KCNMA1: variants seen among roughly 807,000 people sequenced by gnomAD.
KCNMA1 encodes the protein Calcium-activated potassium channel subunit alpha-1.
KCNMA1 carries 29 observed loss-of-function variants against 140.0 expected under a neutral mutation model. That is an observed-to-expected ratio of 0.21 (90% confidence interval 0.15 to 0.28). The LOEUF is 0.28. Among genes scored for constraint, KCNMA1 ranks in the 10% least tolerant of loss-of-function variants. The probability of loss-of-function intolerance (pLI) is 1.00; values close to 1 mark genes in which losing one functional copy is unlikely to be tolerated. For synonymous variants in KCNMA1, 612 were observed against 611.9 expected, an observed-to-expected ratio of 1.00 and a Z score of 0.00; for missense variants, 880 against 1,602.2, an observed-to-expected ratio of 0.55 and a Z score of 7.70.
chr10:77,510,190 G>A (rs921797164), intron 1 of KCNMA1, among the ~76,000 whole-genome samples: 1 of 152,010 alleles, frequency 6.6e-6, no homozygotes, highest in African/African-American at 2.4e-5. Context: ...TCACCTTCCT[G>A]GACCTCAGAT....
rs537057084 is a variant in KCNMA1, at chr10:76,952,391, G to A, written c.2484+1410C>T. ...AAAAAATAACTGGGTATGGTGGCGC[G>A]AACCTATAGTCCCAGCTACTCGGGA... is the stretch of plus-strand genomic sequence containing the variant. On this transcript the variant is annotated intron_variant, in intron 21 of 27. Coordinates refer to ENST00000286628, the MANE Select transcript of KCNMA1 (RefSeq NM_001161352.2). Among the ~76,000 whole-genome samples, 20 of 152,214 alleles carry A rather than the reference G, an allele frequency of 1.3e-4. No individual in the cohort carries two copies. In the East Asian group the frequency reaches 2.9e-3, roughly 22 times the overall value.
intron 2 of KCNMA1, among the ~76,000 whole-genome samples, chr10:77,392,213 GGAAGGAAGGGAGAGAGGGAAA>G (rs1415120755): frequency 8.4e-6 from 1 of 118,828 alleles, no homozygotes; most frequent in Non-Finnish European, 1.8e-5. Context: ...TGGGGAGGAA[GGAAGGAAGGGAGAGAGGGAAA>G]GAAGGAAGGG....
At chr10:77,228,460 G>A (rs1360907962) in intron 3 of KCNMA1, among the ~76,000 whole-genome samples, 1 of 152,100 alleles carries the variant, frequency 6.6e-6, no homozygotes, top group Non-Finnish European at 1.5e-5. Flanking sequence ...CCAGGTGTGA[G>A]GAGGTAAAGC....
intron 5 of KCNMA1, among the ~76,000 whole-genome samples, chr10:77,158,514 G>A (rs1185956436): frequency 6.6e-6 from 1 of 152,038 alleles, no homozygotes; most frequent in Non-Finnish European, 1.5e-5. Context: ...AGTGAGAGTT[G>A]TGTGAATCTG....
chr10:77,079,842 T>C (rs533559026), intron 12 of KCNMA1: 10 of 466,824 alleles, frequency 2.1e-5, no homozygotes, highest in African/African-American at 1.4e-4. Context: ...AACATTACTA[T>C]TACTAGATCA....
intron 13 of KCNMA1, among the ~76,000 whole-genome samples, chr10:77,075,418 T>A (rs1394909664): frequency 6.6e-6 from 1 of 152,178 alleles, no homozygotes; most frequent in Non-Finnish European, 1.5e-5. Flanking sequence ...GCATTGTGTG[T>A]GAAAGGAGAT....
intron 1 of KCNMA1, among the ~76,000 whole-genome samples, chr10:77,404,553 T>A (rs529460640): frequency 6.6e-6 from 1 of 152,146 alleles, no homozygotes; most frequent in East Asian, 1.9e-4. Flanking sequence ...TCTGGTCTCC[T>A]CCCATTTTAA....
At chr10:77,163,970 A>C (rs2154083475) in intron 5 of KCNMA1, among the ~76,000 whole-genome samples, 1 of 152,338 alleles carries the variant, frequency 6.6e-6, no homozygotes, top group Admixed American at 6.5e-5. Flanking sequence ...GAATTAATTC[A>C]TTAGGAGAAG....
At chr10:77,415,266 A>C (rs906092364) in intron 1 of KCNMA1, among the ~76,000 whole-genome samples, 1 of 152,240 alleles carries the variant, frequency 6.6e-6, no homozygotes, top group East Asian at 1.9e-4. Flanking sequence ...TAAAATAACA[A>C]TCTCCTTCTC....
intron 2 of KCNMA1, among the ~76,000 whole-genome samples, chr10:77,379,861 G>T (rs1475522581): frequency 6.6e-6 from 1 of 152,120 alleles, no homozygotes; most frequent in African/African-American, 2.4e-5. Context: ...ACTTGGGTCA[G>T]CACCTCCATC....
chr10:76,950,897 T>A (rs1355983657), intron 21 of KCNMA1, among the ~76,000 whole-genome samples: 1 of 152,130 alleles, frequency 6.6e-6, no homozygotes, highest in African/African-American at 2.4e-5. Flanking sequence ...GAAGACCCAC[T>A]GGGGAGCTCA....
intron 2 of KCNMA1, among the ~76,000 whole-genome samples, chr10:77,296,363 T>C (rs191245599): frequency 6.6e-6 from 1 of 152,210 alleles, no homozygotes; most frequent in South Asian, 2.1e-4. Context: ...CCAGTCCTGC[T>C]GACACTTTGA....
chr10:76,958,915 T>C (rs1165395534), intron 20 of KCNMA1, among the ~76,000 whole-genome samples: 1 of 152,124 alleles, frequency 6.6e-6, no homozygotes, highest in Non-Finnish European at 1.5e-5. Context: ...GCACAATATA[T>C]CAGATATCCC....
chr10:77,163,575 C>T (rs1182357258), intron 5 of KCNMA1, among the ~76,000 whole-genome samples: 2 of 152,184 alleles, frequency 1.3e-5, no homozygotes, highest in African/African-American at 2.4e-5. Context: ...GAGAAAGATC[C>T]CTGCCTTGAT....
intron 1 of KCNMA1, among the ~76,000 whole-genome samples, chr10:77,522,570 C>T (rs2154551032): frequency 6.6e-6 from 1 of 152,320 alleles, no homozygotes; most frequent in African/African-American, 2.4e-5. Context: ...CACCTCACAG[C>T]TGCTGCTGCC....
intron 13 of KCNMA1, among the ~76,000 whole-genome samples, chr10:77,075,699 C>T (rs2096372921): frequency 1.3e-5 from 2 of 152,142 alleles, no homozygotes; most frequent in African/African-American, 4.8e-5. Flanking sequence ...GTTCTGTGCC[C>T]TCTTTTTTTG....
At chr10:77,091,004 G>A (rs900053538) in intron 9 of KCNMA1, 3 of 187,890 alleles carry the variant, frequency 1.6e-5, no homozygotes, top group Non-Finnish European at 3.4e-5. Context: ...TATCAGGGTG[G>A]CTAATGTGCG....
intron 16 of KCNMA1, among the ~76,000 whole-genome samples, chr10:77,021,812 C>A (rs897662542): frequency 1.3e-5 from 2 of 152,146 alleles, no homozygotes; most frequent in African/African-American, 4.8e-5. Flanking sequence ...CTAAGGCAGC[C>A]TTCTGGGTGG....
chr10:77,166,915 C>T (rs1036706355), intron 5 of KCNMA1, among the ~76,000 whole-genome samples: 2 of 152,146 alleles, frequency 1.3e-5, no homozygotes, highest in Non-Finnish European at 2.9e-5. Context: ...GTAACTGGGA[C>T]ATCCATCACC....
Sources: allele counts gnomAD v4.1 joint callset (sites outside exome capture counted in the v4.1 genomes callset), GRCh38; gene constraint gnomAD v4.1.1; transcripts MANE v1.5; gene names NCBI Gene and HGNC (gene_info 2026-07-23, HGNC 2026-07-21).